TANC2: variants seen among roughly 807,000 people sequenced by gnomAD.
TANC2 encodes tetratricopeptide repeat, ankyrin repeat and coiled-coil containing 2.
A neutral mutation model predicts 210.5 loss-of-function variants in TANC2; 26 were observed. The ratio of observed to expected loss-of-function variants is 0.12; its 90% CI spans 0.09 to 0.17. The LOEUF (loss-of-function observed/expected upper bound fraction) is 0.17, where lower values mean the gene tolerates loss of function less well. Ranked by LOEUF, TANC2 falls within the 10% of genes least tolerant of loss-of-function variation. The pLI is 1.00. For missense variants in TANC2, 2,129 were observed against 2,608.9 expected, an observed-to-expected ratio of 0.82 and a Z score of 4.01; for synonymous variants, 931 against 967.1, an observed-to-expected ratio of 0.96 and a Z score of 0.69.
At chr17:63,327,640 C>T (rs1343323441) in intron 11 of TANC2, among the ~76,000 whole-genome samples, 3 of 151,818 alleles carry the variant, frequency 2.0e-5, no homozygotes, top group Non-Finnish European at 4.4e-5. Context: ...ATGTGTTCAT[C>T]GCAGCACTTT....
At chr17:63,325,796 A>G (rs976593103) in intron 11 of TANC2, among the ~76,000 whole-genome samples, 1 of 152,218 alleles carries the variant, frequency 6.6e-6, no homozygotes, top group East Asian at 1.9e-4. Flanking sequence ...AATCAGATTC[A>G]TGTGTTCCGG....
intron 13 of TANC2, 24 bp downstream of exon 13, chr17:63,351,440 C>T: frequency 6.5e-7 from 1 of 1,543,772 alleles, no homozygotes; most frequent in Non-Finnish European, 8.7e-7. Flanking sequence ...TGCTTTTAAA[C>T]CATAAATGAT....
intron 3 of TANC2, among the ~76,000 whole-genome samples, chr17:63,094,105 C>G (rs1409431958): frequency 6.6e-6 from 1 of 152,106 alleles, no homozygotes; most frequent in Admixed American, 6.6e-5. Flanking sequence ...GATTCTTGTA[C>G]ATTAACTTTG....
At chr17:63,405,064 A>G (rs942405965) in intron 19 of TANC2, 58 bp from the exon 20 acceptor site, 1 of 1,471,198 alleles carries the variant, frequency 6.8e-7, no homozygotes, top group East Asian at 2.3e-5. Context: ...CACGTTTAAC[A>G]TGGAGCGCTG....
At chr17:63,091,370 C>T (rs2037186928) in intron 3 of TANC2, among the ~76,000 whole-genome samples, 1 of 152,112 alleles carries the variant, frequency 6.6e-6, no homozygotes, top group African/African-American at 2.4e-5. Context: ...TTTAATCCAT[C>T]TTGAATTAAT....
intron 1 of TANC2, among the ~76,000 whole-genome samples, chr17:62,981,565 T>A (rs752489887): frequency 6.6e-6 from 1 of 152,192 alleles, no homozygotes; most frequent in African/African-American, 2.4e-5. Context: ...CTCTTATTGT[T>A]GTTGACTGTA....
chr17:63,341,075 G>A lies in TANC2; in HGVS notation c.1807+743G>A, dbSNP rs79418390. On this transcript the variant is annotated intron_variant, in intron 12 of 27. Coordinates refer to ENST00000689528, the Ensembl canonical transcript of TANC2. ...AGTGCCAGAAGCCAAAGAAAAGGATGTGGGTATGCATAAAATTCCTGAGCA... is the reference window on the plus strand; with the variant it reads ...AGTGCCAGAAGCCAAAGAAAAGGATATGGGTATGCATAAAATTCCTGAGCA... Among the ~76,000 whole-genome samples the A allele has an allele frequency of 2.2e-4, 34 of 152,316 alleles. No individual in the cohort carries two copies. In the East Asian group the frequency reaches 6.6e-3, roughly 29 times the overall value.
intron 3 of TANC2, among the ~76,000 whole-genome samples, chr17:63,096,925 G>C (rs531175507): frequency 6.6e-6 from 1 of 152,012 alleles, no homozygotes; most frequent in South Asian, 2.1e-4. Flanking sequence ...TGGGTATAAA[G>C]TGGTCTCTCA....
At chr17:63,148,809 A>G (rs1052797047) in intron 4 of TANC2, 2 of 152,180 alleles carry the variant, frequency 1.3e-5, no homozygotes, top group Non-Finnish European at 2.9e-5. Context: ...CCAGGCTTCC[A>G]GGTAAAACAT....
intron 4 of TANC2, among the ~76,000 whole-genome samples, chr17:63,126,976 T>C (rs2038734275): frequency 2.0e-5 from 3 of 152,248 alleles, no homozygotes; most frequent in African/African-American, 7.2e-5. Context: ...TAAAAGGTAC[T>C]GCTGATATAT....
chr17:63,306,430 A>G (rs138768675), intron 9 of TANC2, among the ~76,000 whole-genome samples: 1 of 152,208 alleles, frequency 6.6e-6, no homozygotes, highest in African/African-American at 2.4e-5. Context: ...CTTCTTCAAT[A>G]TTCATTCATT....
chr17:62,979,613 T>A (rs1477957488), intron 1 of TANC2, among the ~76,000 whole-genome samples: 5 of 152,200 alleles, frequency 3.3e-5, no homozygotes, highest in African/African-American at 1.2e-4. Flanking sequence ...TCTGTACTTT[T>A]AAAAAATGTG....
At chr17:63,348,853 T>A (rs1468367521) in intron 12 of TANC2, among the ~76,000 whole-genome samples, 1 of 152,172 alleles carries the variant, frequency 6.6e-6, no homozygotes, top group Non-Finnish European at 1.5e-5. Context: ...AGTGAAAATC[T>A]AAAGAACATT....
In TANC2 at chr17:63,090,112, C is replaced by T. The variant is rs567744960; in HGVS notation, c.140-9063C>T. Reference sequence around the variant, plus strand: ...TCTCCCTCAACCTAATCCCTAGCAACGACTTAAGTGTTTTCTAATACTATA... The same window carrying T: ...TCTCCCTCAACCTAATCCCTAGCAATGACTTAAGTGTTTTCTAATACTATA... On this transcript the variant is annotated intron_variant, in intron 3 of 27. Transcript: ENST00000689528. Among the ~76,000 whole-genome samples, 16 of 152,088 alleles carry T rather than the reference C, an allele frequency of 1.1e-4. No homozygotes were observed. In the South Asian group the frequency reaches 3.1e-3, roughly 30 times the overall value.
chr17:63,277,333 T>C, intron 9 of TANC2, among the ~76,000 whole-genome samples: 1 of 151,828 alleles, frequency 6.6e-6, no homozygotes, highest in Non-Finnish European at 1.5e-5. Flanking sequence ...TGAAGGTTCA[T>C]TACATAAGTA....
Position 63,200,771 on chromosome 17 carries a change from A to G in TANC2, c.583A>G (p.Thr195Ala), listed in dbSNP as rs766584396. 4 of 1,609,642 alleles carry G rather than the reference A, an allele frequency of 2.5e-6. No homozygotes were observed. The South Asian group carries it at 4.4e-5, about 18-fold the overall frequency. ...CTTATTCATGATTCCAATTTTTCAGACCTCAGCAATCACCCAGCGGATAAG... is the reference window on the plus strand; with the variant it reads ...CTTATTCATGATTCCAATTTTTCAGGCCTCAGCAATCACCCAGCGGATAAG... The change falls in exon 7 of 28, where the codon ACC becomes GCC. Residue 195 changes from threonine (T) to alanine (A), a missense_variant and splice_region_variant. Physicochemically the swap from Thr to Ala is moderately conservative, Grantham distance 58 (BLOSUM62 0). This residue lies in a region of TANC2 where 739 missense variants were observed against 848.0 expected (regional missense o/e 0.87). Coordinates refer to ENST00000689528, the Ensembl canonical transcript of TANC2.
At chr17:63,385,369 T>A (rs934212679) in intron 15 of TANC2, among the ~76,000 whole-genome samples, 3 of 152,062 alleles carry the variant, frequency 2.0e-5, no homozygotes, top group Non-Finnish European at 4.4e-5. Flanking sequence ...AAGTGGGGAG[T>A]CACAGCTAAG....
intron 2 of TANC2, among the ~76,000 whole-genome samples, chr17:63,052,250 TATG>T (rs1318050234): frequency 6.6e-6 from 1 of 152,200 alleles, no homozygotes; most frequent in Non-Finnish European, 1.5e-5. Context: ...CATAGAGCAT[TATG>T]ATAACAATTT....
chr17:63,102,926 C>G (rs945186457), intron 4 of TANC2, among the ~76,000 whole-genome samples: 2 of 152,092 alleles, frequency 1.3e-5, no homozygotes, highest in Non-Finnish European at 2.9e-5. Context: ...AGTCTAACAA[C>G]TATTTGCATG....
Sources: allele counts gnomAD v4.1 joint callset (sites outside exome capture counted in the v4.1 genomes callset), GRCh38; gene constraint gnomAD v4.1.1; regional missense constraint gnomAD v4.1.1; transcripts MANE v1.5; gene names NCBI Gene and HGNC (gene_info 2026-07-23, HGNC 2026-07-21).